RAB3GAP2: variants seen among roughly 807,000 people sequenced by gnomAD.
RAB3GAP2 encodes the protein RAB3 GTPase activating non-catalytic protein subunit 2.
A neutral mutation model predicts 185.3 loss-of-function variants in RAB3GAP2; 87 were observed. That is an observed-to-expected ratio of 0.47 (90% CI 0.39 to 0.56). The LOEUF (loss-of-function observed/expected upper bound fraction) is 0.56, where lower values mean the gene tolerates loss of function less well. RAB3GAP2 is among the 20% of genes least tolerant of loss of function. The probability of loss-of-function intolerance (pLI) is 0.00; values close to 1 mark genes in which losing one functional copy is unlikely to be tolerated. For synonymous variants in RAB3GAP2, 554 were observed against 576.1 expected, an observed-to-expected ratio of 0.96 and a Z score of 0.55; for missense variants, 1,492 against 1,638.2, an observed-to-expected ratio of 0.91 and a Z score of 1.54.
At chr1:220,224,465 T>C (rs1659367062) in intron 2 of RAB3GAP2, among the ~76,000 whole-genome samples, 1 of 152,144 alleles carries the variant, frequency 6.6e-6, no homozygotes, top group Non-Finnish European at 1.5e-5. Flanking sequence ...ATAGTATTCC[T>C]TGAAAAGAAT....
rs781119569 is a variant in RAB3GAP2 at position 220,171,957 on chromosome 1, C to T, written c.2509G>A (p.Ala837Thr). The T allele has an allele frequency of 5.0e-6, 8 of 1,614,188 alleles. No homozygotes were observed. Among genetic ancestry groups the T allele is most frequent in the East Asian group, 2.2e-5 (1 of 44,882 alleles). Residue 837 changes from alanine to threonine, a missense_variant, in exon 23 of 35, where the codon GCT becomes ACT. By Grantham distance (58) the Ala-to-Thr change is moderately conservative. Coordinates refer to ENST00000358951, the MANE Select transcript of RAB3GAP2 (RefSeq NM_012414.4). ...TGCCCAACATGCGCAGACAACAGAG[C>T]GGCTCCATTGTTCTCAGACTGAATA... ...ACIQSENNGAALLSAHVGHSV... is the reference protein window; with the variant it reads ...ACIQSENNGATLLSAHVGHSV...
At chr1:220,248,521 T>C (rs557852968) in intron 1 of RAB3GAP2, among the ~76,000 whole-genome samples, 186 of 152,142 alleles carry the variant, frequency 1.2e-3, no homozygotes, top group African/African-American at 2.0e-3. Flanking sequence ...GTTGGGGAAA[T>C]AGACCTAGAG....
chr1:220,216,151 TG>T (rs1459596843), intron 2 of RAB3GAP2, among the ~76,000 whole-genome samples: 1 of 152,084 alleles, frequency 6.6e-6, no homozygotes, highest in Non-Finnish European at 1.5e-5. Context: ...TCTTTTGCAA[TG>T]GGATATTAGG....
intron 1 of RAB3GAP2, among the ~76,000 whole-genome samples, chr1:220,255,395 C>T (rs1571932049): frequency 6.6e-6 from 1 of 152,296 alleles, no homozygotes; most frequent in African/African-American, 2.4e-5. Flanking sequence ...TGCAACACCC[C>T]TCCAGCAAGG....
At chr1:220,270,336 G>A (rs1660311745) in intron 1 of RAB3GAP2, among the ~76,000 whole-genome samples, 1 of 152,156 alleles carries the variant, frequency 6.6e-6, no homozygotes, top group Non-Finnish European at 1.5e-5. Flanking sequence ...CATAATCCTT[G>A]AGACTGAACT....
intron 17 of RAB3GAP2, among the ~76,000 whole-genome samples, chr1:220,186,487 G>T (rs1658510390): frequency 6.6e-6 from 1 of 152,150 alleles, no homozygotes; most frequent in African/African-American, 2.4e-5. Flanking sequence ...TCAAGATGTT[G>T]GTCAGGCCTA....
intron 31 of RAB3GAP2, among the ~76,000 whole-genome samples, chr1:220,155,910 T>C (rs1657847457): frequency 6.6e-6 from 1 of 152,156 alleles, no homozygotes; most frequent in Non-Finnish European, 1.5e-5. Flanking sequence ...AGTACTCTTA[T>C]CGCTTATATT....
intron 28 of RAB3GAP2, among the ~76,000 whole-genome samples, chr1:220,161,773 T>A (rs568547355): frequency 1.3e-5 from 2 of 152,218 alleles, no homozygotes; most frequent in South Asian, 2.1e-4. Context: ...ACAACAACTT[T>A]AAAAAAATAA....
At chr1:220,207,045 T>G (rs543225510) in intron 7 of RAB3GAP2, among the ~76,000 whole-genome samples, 16 of 152,366 alleles carry the variant, frequency 1.1e-4, no homozygotes, top group African/African-American at 3.6e-4. Context: ...GTATGCCTGT[T>G]ACACCAATGA....
intron 1 of RAB3GAP2, 107 bp downstream of exon 1, chr1:220,272,116 G>C: frequency 1.1e-6 from 1 of 952,100 alleles, no homozygotes. Flanking sequence ...AGAACTGGGG[G>C]TCCAGAGGGC....
intron 7 of RAB3GAP2, among the ~76,000 whole-genome samples, chr1:220,209,217 C>G (rs892072571): frequency 1.3e-5 from 2 of 152,154 alleles, no homozygotes; most frequent in Admixed American, 6.5e-5. Context: ...TTAGGAGTTT[C>G]TCTCATTTCC....
At chr1:220,183,902 G>A (rs1209750219) in intron 19 of RAB3GAP2, 134 bp downstream of exon 19, 2 of 667,606 alleles carry the variant, frequency 3.0e-6, no homozygotes, top group Admixed American at 3.2e-5. Flanking sequence ...AGCTAGCAGG[G>A]GGCTTGGTAA....
chr1:220,266,838 T>G, intron 1 of RAB3GAP2: 1 of 1,597,320 alleles, frequency 6.3e-7, no homozygotes. Context: ...AGTCTTGAAA[T>G]GAGGTCCCTG....
chr1:220,200,687 T>C (rs189697646), intron 9 of RAB3GAP2: 62 of 505,072 alleles, frequency 1.2e-4, no homozygotes, highest in African/African-American at 1.1e-3. Flanking sequence ...TTTTGCAGCA[T>C]TTTTATGCTA....
At chr1:220,214,045 G>A in intron 2 of RAB3GAP2, 66 bp from the exon 3 acceptor site, 1 of 1,484,158 alleles carries the variant, frequency 6.7e-7, no homozygotes, top group Non-Finnish European at 9.4e-7. Context: ...CAGCTTGCCT[G>A]TCTCAAGGGG....
rs749767238 is a variant in RAB3GAP2 at position 220,210,989 on chromosome 1, T to A, written c.400A>T (p.Ser134Cys). The A allele has an allele frequency of 2.5e-6, 4 of 1,613,776 alleles. No individual in the cohort carries two copies. Among genetic ancestry groups the A allele is most frequent in the South Asian group, 1.1e-5 (1 of 91,058 alleles). ...CTTGCTAGTGGGATACATAGAGCAC[T>A]GGTTACACATTCCCTAAAAACAAAA... ...LNVEEGECVT[S>C]ALCIPLASQK... Residue 134 changes from serine (S) to cysteine (C), a missense_variant, in exon 5 of 35, where the codon AGT becomes TGT. By Grantham distance (112) the Ser-to-Cys change is moderately radical. This residue lies in a region of RAB3GAP2 where 177 missense variants were observed against 160.6 expected (regional missense o/e 1.10). Coordinates refer to ENST00000358951, the MANE Select transcript of RAB3GAP2 (RefSeq NM_012414.4).
At chr1:220,229,792 T>C (rs1659465560) in intron 2 of RAB3GAP2, among the ~76,000 whole-genome samples, 1 of 152,178 alleles carries the variant, frequency 6.6e-6, no homozygotes, top group Non-Finnish European at 1.5e-5. Context: ...CTGGAACCTC[T>C]TCTGAAATTA....
intron 1 of RAB3GAP2, among the ~76,000 whole-genome samples, chr1:220,259,316 T>C (rs554153255): frequency 6.6e-6 from 1 of 152,288 alleles, no homozygotes; most frequent in Admixed American, 6.5e-5. Context: ...GGCATCACAC[T>C]ACCTTATTTC....
At chr1:220,213,738 G>T (rs563855880) in intron 3 of RAB3GAP2, 118 bp downstream of exon 3, 108 of 982,890 alleles carry the variant, frequency 1.1e-4, no homozygotes, top group East Asian at 4.8e-4. Flanking sequence ...GAGTTGGGGG[G>T]GGGGGGAGAG....
Sources: gnomAD v4.1 joint callset for allele counts (sites outside exome capture counted in the v4.1 genomes callset) on GRCh38, gnomAD v4.1.1 for gene constraint, gnomAD v4.1.1 regional missense constraint, MANE v1.5 for transcripts, NCBI Gene and HGNC (gene_info 2026-07-23, HGNC 2026-07-21) for gene names.